ESRRG: variants seen among roughly 807,000 people sequenced by gnomAD.
ESRRG encodes estrogen-related receptor gamma.
A neutral mutation model predicts 44.0 loss-of-function variants in ESRRG; 13 were observed. The ratio of observed to expected loss-of-function variants is 0.30; its 90% CI spans 0.19 to 0.47. The LOEUF (loss-of-function observed/expected upper bound fraction) is 0.47. Ranked by LOEUF, ESRRG falls within the 20% of genes least tolerant of loss-of-function variation. The pLI is 1.00. For synonymous variants in ESRRG, 215 were observed against 214.6 expected (o/e 1.00, Z -0.02); for missense variants, 395 against 580.6 (o/e 0.68, Z 3.29).
intron 5 of ESRRG, among the ~76,000 whole-genome samples, chr1:216,531,344 T>C (rs529305131): frequency 6.6e-6 from 1 of 152,218 alleles, no homozygotes; most frequent in East Asian, 1.9e-4. Context: ...ACACTGTTTT[T>C]CTCTGCGGCT....
At chr1:216,604,494 A>G (rs1040823100) in intron 3 of ESRRG, among the ~76,000 whole-genome samples, 7 of 152,168 alleles carry the variant, frequency 4.6e-5, no homozygotes, top group Admixed American at 1.3e-4. Context: ...AGACACAAGG[A>G]TACAATTCTT....
chr1:216,995,444 T>C (rs1016790348), intron 1 of ESRRG, among the ~76,000 whole-genome samples: 2 of 152,190 alleles, frequency 1.3e-5, no homozygotes, highest in African/African-American at 4.8e-5. Context: ...ATCCTTAGCT[T>C]AGCCAATAAG....
At chr1:216,797,231 C>A (rs1308952657) in intron 2 of ESRRG, among the ~76,000 whole-genome samples, 1 of 152,076 alleles carries the variant, frequency 6.6e-6, no homozygotes, top group African/African-American at 2.4e-5. Context: ...ACATTTGCCA[C>A]AAATAACAAA....
At chr1:216,516,680 G>GAC (rs1553282457) in intron 6 of ESRRG, among the ~76,000 whole-genome samples, 118 of 88,186 alleles carry the variant, frequency 1.3e-3, no homozygotes, top group African/African-American at 4.0e-3. Context: ...GAGAGAGAGA[G>GAC]AGAAACGACA....
At chr1:216,747,335 A>T (rs12071565) in intron 2 of ESRRG, among the ~76,000 whole-genome samples, 9,168 of 152,204 alleles carry the variant, frequency 0.06, 371 homozygotes, top group African/African-American at 0.1. Context: ...CTATGGCAAT[A>T]CCATATGATG....
intron 3 of ESRRG, among the ~76,000 whole-genome samples, chr1:216,639,989 T>A (rs1432818852): frequency 6.6e-6 from 1 of 152,232 alleles, no homozygotes. Flanking sequence ...AATGGCATGA[T>A]TCATATTCAT....
Position 216,708,828 on chromosome 1 carries a change from T to C in ESRRG, c.56+14416A>G, listed in dbSNP as rs539341270. Among the ~76,000 whole-genome samples the C allele has an allele frequency of 2.7e-4, 41 of 152,222 alleles. 2 individuals carry two copies. Among genetic ancestry groups the C allele is most frequent in the Middle Eastern group, 3.4e-3 (1 of 294 alleles). On this transcript the variant is annotated intron_variant, in intron 1 of 6. Transcript: ENST00000408911. The stretch of plus-strand genomic sequence containing the variant: ...TGGAACCAACCCAAATGCCCTTCAA[T>C]GATAGACTGGATAAAGAAAATGTGG...
chr1:216,557,662 C>T (rs775297746), intron 5 of ESRRG, among the ~76,000 whole-genome samples: 1 of 151,914 alleles, frequency 6.6e-6, no homozygotes, highest in Non-Finnish European at 1.5e-5. Flanking sequence ...ATATTTAAAG[C>T]TTAATCCCAT....
chr1:216,652,689 A>T (rs1048511666), intron 2 of ESRRG, among the ~76,000 whole-genome samples: 1 of 152,192 alleles, frequency 6.6e-6, no homozygotes, highest in Non-Finnish European at 1.5e-5. Context: ...TAGAAAACCA[A>T]GGATAAGTCA....
chr1:216,876,935 G>A (rs2096364323), intron 2 of ESRRG, among the ~76,000 whole-genome samples: 2 of 151,050 alleles, frequency 1.3e-5, no homozygotes, highest in South Asian at 4.2e-4. Flanking sequence ...ACTTTCCCAA[G>A]TAATGTTAAT....
At chr1:216,818,554 C>CA (rs2095213363) in intron 2 of ESRRG, among the ~76,000 whole-genome samples, 1 of 152,094 alleles carries the variant, frequency 6.6e-6, no homozygotes, top group Non-Finnish European at 1.5e-5. Context: ...GCCCTCATTG[C>CA]CAAGAATTAG....
chr1:217,091,010 G>A (rs894961516), upstream of ESRRG, among the ~76,000 whole-genome samples: 5 of 152,132 alleles, frequency 3.3e-5, no homozygotes, highest in African/African-American at 7.2e-5. Flanking sequence ...TGTGTTATTT[G>A]TACATTGTCT....
intron 5 of ESRRG, among the ~76,000 whole-genome samples, chr1:216,523,502 GTTT>G (rs572065983): frequency 0.34 from 47,631 of 141,132 alleles, 8,040 homozygotes; most frequent in East Asian, 0.57. Context: ...TTTTTTTTTT[GTTT>G]TTTTTTTTTT....
intron 2 of ESRRG, among the ~76,000 whole-genome samples, chr1:216,930,251 C>T (rs1308191825): frequency 6.6e-6 from 1 of 152,140 alleles, no homozygotes; most frequent in Non-Finnish European, 1.5e-5. Flanking sequence ...ATCCATATTG[C>T]TTTTTGGTTC....
chr1:216,618,591 G>T (rs2061740517), intron 3 of ESRRG, among the ~76,000 whole-genome samples: 1 of 152,080 alleles, frequency 6.6e-6, no homozygotes, highest in Admixed American at 6.5e-5. Flanking sequence ...TTCAATATTT[G>T]ACAGTATTTA....
intron 1 of ESRRG, among the ~76,000 whole-genome samples, chr1:217,084,469 G>T (rs2091958905): frequency 6.6e-6 from 1 of 151,012 alleles, no homozygotes; most frequent in Non-Finnish European, 1.5e-5. Flanking sequence ...ATCTTAGAAT[G>T]AGACCAAACT....
At chr1:216,567,480 A>G (rs551896062) in intron 4 of ESRRG, among the ~76,000 whole-genome samples, 1 of 152,274 alleles carries the variant, frequency 6.6e-6, no homozygotes, top group South Asian at 2.1e-4. Context: ...TCTTGTTTTA[A>G]TCTATTGCTA....
intron 1 of ESRRG, among the ~76,000 whole-genome samples, chr1:217,111,643 TCC>T (rs994253372): frequency 6.6e-6 from 1 of 152,010 alleles, no homozygotes; most frequent in African/African-American, 2.4e-5. Flanking sequence ...TTCTTATGTC[TCC>T]CCCACCCCAC....
Position 216,673,753 on chromosome 1 carries a change from A to G in ESRRG, c.472+3323T>C, listed in dbSNP as rs578179387. ...GGAAATTTTTTCACACTGTTATTCT[A>G]TCTTTACAAAACATACCGAAGACTC... is the stretch of plus-strand genomic sequence containing the variant. On this transcript the variant is annotated intron_variant, in intron 2 of 6. Transcript: ENST00000408911. Among the ~76,000 whole-genome samples the G allele has an allele frequency of 1.6e-4, 24 of 152,228 alleles. 1 individual carries two copies. The highest frequency in any genetic ancestry group is 2.6e-4 in the Non-Finnish European group (18 of 68,032).
Sources: allele counts gnomAD v4.1 joint callset (sites outside exome capture counted in the v4.1 genomes callset), GRCh38; gene constraint gnomAD v4.1.1; transcripts MANE v1.5; gene names NCBI Gene and HGNC (gene_info 2026-07-23, HGNC 2026-07-21).